The following SEMA4B variants were observed in gnomAD, a reference collection of about 807,000 sequenced individuals.
The protein encoded by SEMA4B is semaphorin-4B.
In SEMA4B, 55 loss-of-function variants were observed where a neutral mutation model predicts 88.1. That is an observed-to-expected ratio of 0.62 (90% CI 0.50 to 0.78). SEMA4B has a LOEUF of 0.78. Ranked by LOEUF, SEMA4B falls within the 30% of genes least tolerant of loss-of-function variation. The pLI, the probability that SEMA4B is intolerant of heterozygous loss-of-function variation, is 0.00. For synonymous variants in SEMA4B, 525 were observed against 473.6 expected (o/e 1.11, Z -1.41); for missense variants, 1,062 against 1,111.9 (o/e 0.96, Z 0.64).
chr15:90,221,121 T>C (rs2151619746), intron 5 of SEMA4B, 28 bp downstream of exon 5: 2 of 1,507,684 alleles, frequency 1.3e-6, no homozygotes, highest in Non-Finnish European at 1.8e-6. Flanking sequence ...GATGGCTTCA[T>C]TGAGGTTCCA....
intron 1 of SEMA4B, among the ~76,000 whole-genome samples, chr15:90,207,700 C>T (rs766590841): frequency 3.9e-5 from 6 of 152,220 alleles, no homozygotes; most frequent in Non-Finnish European, 7.3e-5. Context: ...CAAGATGACC[C>T]GGCTCAGCCC....
intron 1 of SEMA4B, among the ~76,000 whole-genome samples, chr15:90,207,533 G>A (rs1201202933): frequency 6.6e-6 from 1 of 152,196 alleles, no homozygotes; most frequent in Admixed American, 6.5e-5. Context: ...ATGCAGATGA[G>A]GAAACCAAAG....
chr15:90,220,356 CTTTTTCTTTTCTTTTTTT>C (rs1961750475), intron 4 of SEMA4B: 1 of 147,364 alleles, frequency 6.8e-6, no homozygotes, highest in African/African-American at 2.7e-5. Context: ...TTTCTTTTTT[CTTTTTCTTTTCTTTTTTT>C]TTTTTTTTTT....
chr15:90,216,154 A>G (rs1961525384), intron 1 of SEMA4B, among the ~76,000 whole-genome samples: 1 of 151,890 alleles, frequency 6.6e-6, no homozygotes, highest in South Asian at 2.1e-4. Context: ...ACGCCTGGCT[A>G]ATTTTATATT....
chr15:90,195,503 A>G (rs886561064), intron 1 of SEMA4B, among the ~76,000 whole-genome samples: 1 of 152,170 alleles, frequency 6.6e-6, no homozygotes, highest in Non-Finnish European at 1.5e-5. Flanking sequence ...GTTGTCTTGT[A>G]GAATACTACT....
chr15:90,193,100 G>A (rs933502744), intron 1 of SEMA4B: 8 of 152,324 alleles, frequency 5.3e-5, no homozygotes, highest in South Asian at 4.1e-4. Context: ...TTTTCTCTTC[G>A]TCTCTTATTT....
chr15:90,191,268 G>A (rs1334458114), intron 1 of SEMA4B, among the ~76,000 whole-genome samples: 1 of 152,198 alleles, frequency 6.6e-6, no homozygotes, highest in Non-Finnish European at 1.5e-5. Flanking sequence ...GGGCTGGGCG[G>A]GCCGGTTCTT....
upstream of SEMA4B, among the ~76,000 whole-genome samples, chr15:90,198,953 C>T (rs764263175): frequency 2.0e-4 from 30 of 152,204 alleles, no homozygotes; most frequent in Non-Finnish European, 3.8e-4. Context: ...CTGCAACCTC[C>T]GCCTCCCAGG....
At chr15:90,188,880 G>A (rs1477667494) in intron 1 of SEMA4B, among the ~76,000 whole-genome samples, 1 of 151,862 alleles carries the variant, frequency 6.6e-6, no homozygotes, top group African/African-American at 2.4e-5. Flanking sequence ...ATGTTAGCCA[G>A]GATGGTCTAC....
At chr15:90,225,947 T>A (rs368639081) in intron 12 of SEMA4B, 120 bp downstream of exon 12, 5 of 711,340 alleles carry the variant, frequency 7.0e-6, no homozygotes, top group African/African-American at 5.5e-5. Flanking sequence ...TGTCTCAGCA[T>A]AATTATTAAT....
chr15:90,199,371 A>G (rs1567044562), upstream of SEMA4B, among the ~76,000 whole-genome samples: 2 of 152,154 alleles, frequency 1.3e-5, no homozygotes, highest in African/African-American at 4.8e-5. Flanking sequence ...TGAGATAATG[A>G]GAGGAGCTGA....
At chr15:90,209,235 A>G (rs747659677) in intron 1 of SEMA4B, among the ~76,000 whole-genome samples, 1 of 152,124 alleles carries the variant, frequency 6.6e-6, no homozygotes, top group East Asian at 1.9e-4. Flanking sequence ...GATCTTGAAG[A>G]TGCTGTCAGC....
chr15:90,203,093 C>A (rs1209414310), intron 1 of SEMA4B, among the ~76,000 whole-genome samples: 2 of 152,196 alleles, frequency 1.3e-5, no homozygotes, highest in Non-Finnish European at 2.9e-5. Flanking sequence ...AGGATTAAAT[C>A]AGCTCGTGTT....
chr15:90,228,619 G>C lies in SEMA4B; in HGVS notation c.2490G>C (p.Ser830=). 1 of 1,613,348 alleles carries C rather than the reference G, an allele frequency of 6.2e-7. No homozygotes were observed. Among genetic ancestry groups the C allele is most frequent in the Non-Finnish European group, 8.5e-7 (1 of 1,179,876 alleles). Residue 830 remains serine, a synonymous_variant, in exon 14 of 14, where the codon TCG becomes TCC. Transcript: ENST00000411539. ...CCCGGCCCCGGGTCCGCCTTGGCTC[G>C]GAGATCCGTGACTCTGTGGTGTGAG... is the stretch of plus-strand genomic sequence containing the variant. ...VCPRPRVRLG[S]EIRDSVV
chr15:90,223,879 C>T lies in SEMA4B; in HGVS notation c.1085C>T (p.Thr362Ile). The T allele has an allele frequency of 6.2e-7, 1 of 1,613,948 alleles. No individual in the cohort carries two copies. Among genetic ancestry groups the T allele is most frequent in the Non-Finnish European group, 8.5e-7 (1 of 1,179,888 alleles). ...GAAGGCTCTGCCGTCTGTGTCTTCA[C>T]AATGAAGGATGTGCAGAGAGTCTTC... ...TTEGSAVCVF[T>I]MKDVQRVFSG... is the part of the protein sequence containing the mutation. The change falls in exon 9 of 14, where the codon ACA becomes ATA. Residue 362 changes from threonine to isoleucine, a missense_variant. Coordinates refer to ENST00000411539, the MANE Select transcript of SEMA4B (RefSeq NM_198925.4).
Position 90,228,008 on chromosome 15 carries a change from G to T in SEMA4B, c.1879G>T (p.Ala627Ser). ...GACCCGACTCTGGCTACGCAACGGGGCCCCCGTCAATGCCTCGGCCTCCTG... is the reference window on the plus strand; with the variant it reads ...GACCCGACTCTGGCTACGCAACGGGTCCCCCGTCAATGCCTCGGCCTCCTG... Reference protein sequence around the residue: ...LATRLWLRNGAPVNASASCHV... With the variant: ...LATRLWLRNGSPVNASASCHV... The change falls in exon 14 of 14, where the codon GCC becomes TCC. Residue 627 changes from alanine to serine, a missense_variant. Coordinates refer to ENST00000411539, the MANE Select transcript of SEMA4B (RefSeq NM_198925.4). The T allele has an allele frequency of 6.2e-7, 1 of 1,613,782 alleles. No individual in the cohort carries two copies. The highest frequency in any genetic ancestry group is 1.1e-5 in the South Asian group (1 of 91,074).
Position 90,191,933 on chromosome 15 carries a change from G to T in SEMA4B, c.-122+6852G>T, listed in dbSNP as rs914486813. ...GCTGGTGTCGCTTCCTCTTCAACATGTACTGATGCTGCAGCTGAGCTGCTG... is the reference window on the plus strand; with the variant it reads ...GCTGGTGTCGCTTCCTCTTCAACATTTACTGATGCTGCAGCTGAGCTGCTG... On this transcript the variant is annotated intron_variant, in intron 1 of 14. Coordinates refer to the SEMA4B transcript ENST00000332496. 3 of 152,290 alleles carry T rather than the reference G, an allele frequency of 2.0e-5. No homozygotes were observed. In the East Asian group the frequency reaches 5.8e-4, roughly 29 times the overall value. The allele number at this position is 152,290 out of a possible 1,614,324, so 9.4% of individuals were successfully genotyped here. A position where few individuals can be genotyped will look rare whatever the true frequency, so the allele number is the denominator to read the frequency against.
intron 5 of SEMA4B, 34 bp downstream of exon 5, chr15:90,221,127 T>G (rs3826001): frequency 0.52 from 771,455 of 1,472,152 alleles, 206,847 homozygotes; most frequent in East Asian, 0.82. Context: ...TTCATTGAGG[T>G]TCCATGTAGG....
chr15:90,186,932 C>T (rs984954709), intron 1 of SEMA4B, among the ~76,000 whole-genome samples: 6 of 150,038 alleles, frequency 4.0e-5, no homozygotes, highest in African/African-American at 1.5e-4. Context: ...GACTCCGTCT[C>T]AAAAAATAAT....
Sources: gnomAD v4.1 joint callset for allele counts (sites outside exome capture counted in the v4.1 genomes callset) on GRCh38, gnomAD v4.1.1 for gene constraint, MANE v1.5 for transcripts, NCBI Gene and HGNC (gene_info 2026-07-23, HGNC 2026-07-21) for gene names.